Variants in CTNNA3 observed in about 807,000 individuals in gnomAD.
The protein encoded by CTNNA3 is catenin alpha 3, also known as catenin alpha-3.
In CTNNA3, 76 loss-of-function variants were observed where a neutral mutation model predicts 95.7. The ratio of observed to expected loss-of-function variants is 0.79; its 90% CI spans 0.66 to 0.96. CTNNA3 has a LOEUF of 0.96. Among genes scored for constraint, CTNNA3 ranks in the 40% least tolerant of loss-of-function variants. The probability of loss-of-function intolerance (pLI) is 0.00; values close to 1 mark genes in which losing one functional copy is unlikely to be tolerated. For synonymous variants in CTNNA3, 431 were observed against 374.4 expected, an observed-to-expected ratio of 1.15 and a Z score of -1.74; for missense variants, 1,191 against 1,089.8, an observed-to-expected ratio of 1.09 and a Z score of -1.31.
intron 8 of CTNNA3, among the ~76,000 whole-genome samples, chr10:66,770,327 T>C (rs893165872): frequency 3.3e-5 from 5 of 152,230 alleles, no homozygotes; most frequent in Admixed American, 3.3e-4. Context: ...ATTATTTTCC[T>C]GCCCAGTGGC....
chr10:67,173,140 A>G (rs1469338349), intron 7 of CTNNA3, among the ~76,000 whole-genome samples: 1 of 152,198 alleles, frequency 6.6e-6, no homozygotes, highest in African/African-American at 2.4e-5. Flanking sequence ...GGCTATAAAA[A>G]CAACCTTTTG....
At position 66,223,740 on chromosome 10, in the gene CTNNA3, C is replaced by T. The variant is rs1213837033; in HGVS notation, c.1884+56730G>A. ...TATGACCATTAATTTTATGTATCAACTTTATTGACCACAGGGTGCCAGATA... is the reference window on the plus strand; with the variant it reads ...TATGACCATTAATTTTATGTATCAATTTTATTGACCACAGGGTGCCAGATA... On this transcript the variant is annotated intron_variant, in intron 13 of 17. Coordinates refer to ENST00000433211, the MANE Select transcript of CTNNA3 (RefSeq NM_013266.4). 3.3e-5 allele frequency among the ~76,000 whole-genome samples: 5 copies of T among 152,290 alleles called. No individual in the cohort carries two copies. In the East Asian group the frequency reaches 9.6e-4, roughly 29 times the overall value.
At chr10:67,670,746 A>G (rs1238587065) in intron 1 of CTNNA3, among the ~76,000 whole-genome samples, 1 of 152,152 alleles carries the variant, frequency 6.6e-6, no homozygotes, top group Admixed American at 6.5e-5. Flanking sequence ...TTTTGTTTTC[A>G]TAGTCTATAT....
At chr10:67,531,695 CATG>C (rs2133184319) in intron 4 of CTNNA3, among the ~76,000 whole-genome samples, 1 of 152,134 alleles carries the variant, frequency 6.6e-6, no homozygotes, top group African/African-American at 2.4e-5. Context: ...GTTGAGAAGG[CATG>C]ATTAGTTTTG....
At chr10:66,693,620 A>G (rs1847644806) in intron 9 of CTNNA3, among the ~76,000 whole-genome samples, 1 of 152,052 alleles carries the variant, frequency 6.6e-6, no homozygotes, top group Admixed American at 6.6e-5. Flanking sequence ...CCTAATAGAC[A>G]TCTACAGAAC....
At chr10:66,981,651 T>C (rs921774041) in intron 7 of CTNNA3, among the ~76,000 whole-genome samples, 1 of 152,252 alleles carries the variant, frequency 6.6e-6, no homozygotes, top group Non-Finnish European at 1.5e-5. Flanking sequence ...ACATATTGAA[T>C]GGCAGTAATG....
chr10:67,097,954 G>A, intron 7 of CTNNA3: 1 of 651,440 alleles, frequency 1.5e-6, no homozygotes, highest in Non-Finnish European at 2.6e-6. Context: ...AAATAAAGAA[G>A]ACATGAATTG....
chr10:67,751,614 T>C (rs1355417816), intron 1 of CTNNA3, among the ~76,000 whole-genome samples: 1 of 151,258 alleles, frequency 6.6e-6, no homozygotes, highest in Non-Finnish European at 1.5e-5. Flanking sequence ...ATAGACACAA[T>C]AAAAACTGAT....
At chr10:67,134,932 T>A (rs1860220534) in intron 7 of CTNNA3, among the ~76,000 whole-genome samples, 1 of 152,112 alleles carries the variant, frequency 6.6e-6, no homozygotes, top group Non-Finnish European at 1.5e-5. Context: ...CTACCACCGC[T>A]GAGACCCATG....
At chr10:66,745,908 C>A (rs1838850298) in intron 9 of CTNNA3, among the ~76,000 whole-genome samples, 2 of 151,888 alleles carry the variant, frequency 1.3e-5, no homozygotes, top group Admixed American at 6.6e-5. Context: ...CCACAGACAG[C>A]CATTATTTTA....
chr10:66,408,942 T>C (rs1329985292), intron 11 of CTNNA3, among the ~76,000 whole-genome samples: 1 of 152,136 alleles, frequency 6.6e-6, no homozygotes, highest in African/African-American at 2.4e-5. Context: ...TGGCTTAAGT[T>C]GAACTAGAAT....
intron 1 of CTNNA3, among the ~76,000 whole-genome samples, chr10:67,673,625 G>GT (rs1840482675): frequency 6.8e-6 from 1 of 146,782 alleles, no homozygotes; most frequent in East Asian, 2.0e-4. Context: ...TAATCATGTG[G>GT]TTTTTGTCTT....
intron 2 of CTNNA3, among the ~76,000 whole-genome samples, chr10:67,637,844 A>G (rs1469074816): frequency 6.6e-6 from 1 of 151,834 alleles, no homozygotes; most frequent in East Asian, 1.9e-4. Context: ...AGGCCTGCCT[A>G]AAAGAGCTCC....
intron 5 of CTNNA3, among the ~76,000 whole-genome samples, chr10:67,456,262 T>A (rs1847169290): frequency 1.3e-5 from 2 of 152,190 alleles, no homozygotes; most frequent in Non-Finnish European, 2.9e-5. Context: ...ATTCTTACCA[T>A]GGGAACAATT....
At chr10:66,734,058 T>A (rs1427711145) in intron 9 of CTNNA3, among the ~76,000 whole-genome samples, 1 of 151,988 alleles carries the variant, frequency 6.6e-6, no homozygotes, top group African/African-American at 2.4e-5. Flanking sequence ...TATCAAGATG[T>A]TAACCAATAT....
chr10:67,537,602 TTATTCTTTATATACAGTTACC>T (rs1038949680), intron 4 of CTNNA3, among the ~76,000 whole-genome samples: 1 of 152,136 alleles, frequency 6.6e-6, no homozygotes, highest in African/African-American at 2.4e-5. Flanking sequence ...GAAGGTGGTT[TTATTCTTTATATACAGTTACC>T]TCCTAATTGG....
intron 7 of CTNNA3, among the ~76,000 whole-genome samples, chr10:67,045,166 A>G (rs1854650400): frequency 6.6e-6 from 1 of 152,214 alleles, no homozygotes; most frequent in African/African-American, 2.4e-5. Context: ...AACAAAATAC[A>G]AAATGTTTTG....
chr10:67,448,669 C>A (rs973498094), intron 5 of CTNNA3, among the ~76,000 whole-genome samples: 7 of 151,274 alleles, frequency 4.6e-5, no homozygotes, highest in Non-Finnish European at 8.9e-5. Flanking sequence ...AAAAGAAATT[C>A]TATGCGAGTT....
rs2441719 is a variant in CTNNA3, at chr10:66,379,631, C to G, written c.1532-279G>C. On this transcript the variant is annotated intron_variant, in intron 11 of 17. Transcript: ENST00000433211. Reference sequence around the variant, plus strand: ...TAGTTCCAGTAGATTAGATTTTAGACTGACATAGAGGTGGAAATTAAAGAC... The same window carrying G: ...TAGTTCCAGTAGATTAGATTTTAGAGTGACATAGAGGTGGAAATTAAAGAC... 0.65 allele frequency among the ~76,000 whole-genome samples: 98,324 copies of G among 152,014 alleles called. 33,424 individuals are homozygous for G. Among genetic ancestry groups the G allele is most frequent in the East Asian group, 0.88 (4,547 of 5,178 alleles).
Sources: gnomAD v4.1 joint callset for allele counts (sites outside exome capture counted in the v4.1 genomes callset) on GRCh38, gnomAD v4.1.1 for gene constraint, MANE v1.5 for transcripts, NCBI Gene and HGNC (gene_info 2026-07-23, HGNC 2026-07-21) for gene names.